Variants in C6orf52 observed in about 807,000 individuals in gnomAD.
C6orf52 encodes the protein putative uncharacterized protein C6orf52.
C6orf52 carries 16 observed loss-of-function variants against 16.6 expected under a neutral mutation model. That is an observed-to-expected ratio of 0.96 (90% CI 0.65 to 1.46). C6orf52 has a LOEUF of 1.46. Among genes scored for constraint, C6orf52 ranks in the 40% most tolerant of loss-of-function variants. The probability of loss-of-function intolerance (pLI) is 0.00; values close to 1 mark genes in which losing one functional copy is unlikely to be tolerated. For synonymous variants in C6orf52, 53 were observed against 61.4 expected (o/e 0.86, Z 0.64); for missense variants, 166 against 182.3 (o/e 0.91, Z 0.52).
chr6:10,684,668 G>A (rs2127467518), intron 3 of C6orf52, among the ~76,000 whole-genome samples: 2 of 152,346 alleles, frequency 1.3e-5, no homozygotes, highest in East Asian at 3.9e-4. Flanking sequence ...ACGTGAAAAT[G>A]TAAAGGAGAG....
intron 1 of C6orf52, among the ~76,000 whole-genome samples, chr6:10,694,028 G>A (rs1204254529): frequency 6.6e-6 from 1 of 152,178 alleles, no homozygotes; most frequent in Non-Finnish European, 1.5e-5. Context: ...GGGAGGTCGA[G>A]GCAAGCGGAT....
intron 1 of C6orf52, among the ~76,000 whole-genome samples, chr6:10,691,856 A>C (rs1769342740): frequency 6.6e-6 from 1 of 152,062 alleles, no homozygotes; most frequent in South Asian, 2.1e-4. Flanking sequence ...TTTTAAAGTA[A>C]AACCACTTTG....
intron 3 of C6orf52, among the ~76,000 whole-genome samples, chr6:10,685,598 C>CT (rs1768811684): frequency 6.6e-6 from 1 of 152,146 alleles, no homozygotes; most frequent in African/African-American, 2.4e-5. Context: ...TGGGGGAAGT[C>CT]CGTAACATTT....
intron 1 of C6orf52, among the ~76,000 whole-genome samples, chr6:10,693,498 A>C (rs1425774639): frequency 6.6e-6 from 1 of 152,246 alleles, no homozygotes; most frequent in Non-Finnish European, 1.5e-5. Context: ...CTAACAATTC[A>C]GAACACCAGA....
chr6:10,694,591 A>AATG lies in C6orf52; in HGVS notation c.-110_-109insCAT. The AATG allele has an allele frequency of 1.1e-5, 2 of 180,128 alleles. No individual in the cohort carries two copies. The highest frequency in any genetic ancestry group is 2.4e-5 in the Non-Finnish European group (2 of 82,968). 11.2% of individuals were successfully genotyped at this position (180,128 alleles called of 1,614,324 possible). A position where few individuals can be genotyped will look rare whatever the true frequency, so the allele number is the denominator to read the frequency against. On this transcript the variant is annotated 5_prime_UTR_variant, in exon 1 of 5. Transcript: ENST00000259983. ...CAACAATGCACGCTGCCGGCGCTAC[A>AATG]GCCCCTAAGCAACCGGCCGGAAGTC... is the stretch of plus-strand genomic sequence containing the variant.
Position 10,694,601 on chromosome 6 carries a change from CAACCGG to C in C6orf52, c.-125_-120del. 1.1e-5 allele frequency: 2 copies of C among 175,892 alleles called. No individual in the cohort carries two copies. Among genetic ancestry groups the C allele is most frequent in the South Asian group, 1.1e-4 (1 of 9,080 alleles). The allele number at this position is 175,892 out of a possible 1,614,324, so 10.9% of individuals were successfully genotyped here. The stretch of plus-strand genomic sequence containing the variant: ...CGCTGCCGGCGCTACAGCCCCTAAG[CAACCGG>C]CCGGAAGTCGGCCCCACCTCCTCCT... On this transcript the variant is annotated 5_prime_UTR_variant, in exon 1 of 5. Coordinates refer to ENST00000259983, the MANE Select transcript of C6orf52 (RefSeq NM_001145020.3).
chr6:10,684,263 G>A (rs1768658409), intron 3 of C6orf52, among the ~76,000 whole-genome samples: 1 of 152,078 alleles, frequency 6.6e-6, no homozygotes, highest in Admixed American at 6.6e-5. Context: ...AGTTATGATG[G>A]CACCACTGCA....
rs941174563 is a variant in C6orf52 at position 10,687,022 on chromosome 6, A to G, written c.214T>C (p.Cys72Arg). Reference protein sequence around the residue: ...GCAVDGNGKDCFSAHETPEHT... With the variant: ...GCAVDGNGKDRFSAHETPEHT... ...TCAGGGGTCTCATGCGCAGAAAAACAGTCCTTTCCATTTCCATCCACTGCA... is the reference window on the plus strand; with the variant it reads ...TCAGGGGTCTCATGCGCAGAAAAACGGTCCTTTCCATTTCCATCCACTGCA... The change falls in exon 3 of 5, where the codon TGT becomes CGT. Residue 72 changes from cysteine to arginine, a missense_variant. By Grantham distance (180) the Cys-to-Arg change is radical (BLOSUM62 -3). Transcript: ENST00000259983. 3.9e-6 allele frequency: 6 copies of G among 1,551,604 alleles called. No homozygotes were observed. In the African/African-American group the frequency reaches 8.2e-5, roughly 21 times the overall value.
At chr6:10,686,271 A>C (rs1768862688) in intron 3 of C6orf52, among the ~76,000 whole-genome samples, 1 of 152,326 alleles carries the variant, frequency 6.6e-6, no homozygotes, top group African/African-American at 2.4e-5. Flanking sequence ...TGTACTACAT[A>C]GTTCGTTCTT....
chr6:10,684,919 G>T lies in C6orf52; in HGVS notation c.271-1687C>A. 3 of 1,281,418 alleles carry T rather than the reference G, an allele frequency of 2.3e-6. No homozygotes were observed. The South Asian group carries it at 3.7e-5, about 16-fold the overall frequency. The allele number at this position is 1,281,418 out of a possible 1,614,324, so 79.4% of individuals were successfully genotyped here. A position where few individuals can be genotyped will look rare whatever the true frequency, so the allele number is the denominator to read the frequency against. Reference sequence around the variant, plus strand: ...AGGATGGCAGGCAGATGGCACAGGGGGTCACTACAGCCACAAAAGATAACA... The same window carrying T: ...AGGATGGCAGGCAGATGGCACAGGGTGTCACTACAGCCACAAAAGATAACA... On this transcript the variant is annotated intron_variant, in intron 3 of 4. Coordinates refer to ENST00000259983, the MANE Select transcript of C6orf52 (RefSeq NM_001145020.3).
chr6:10,688,513 G>A (rs138525410), intron 1 of C6orf52, among the ~76,000 whole-genome samples: 4 of 152,134 alleles, frequency 2.6e-5, no homozygotes, highest in East Asian at 3.9e-4. Context: ...CAAAACATTC[G>A]GATCATTCAA....
intron 2 of C6orf52, 98 bp from the exon 3 acceptor site, chr6:10,687,262 T>C: frequency 1.1e-6 from 1 of 911,328 alleles, no homozygotes; most frequent in Non-Finnish European, 1.7e-6. Context: ...TGAACACCTA[T>C]GTTCAAAGCC....
intron 4 of C6orf52, among the ~76,000 whole-genome samples, chr6:10,675,501 T>C (rs1193142728): frequency 6.6e-6 from 1 of 152,228 alleles, no homozygotes; most frequent in Non-Finnish European, 1.5e-5. Flanking sequence ...GAGGTACAGA[T>C]GTCTCTTTGA....
chr6:10,683,171 A>G lies in C6orf52; in HGVS notation c.316+16T>C. On this transcript the variant is annotated intron_variant, in intron 4 of 4. Transcript: ENST00000259983. Reference sequence around the variant, plus strand: ...GGGTTTTGTTTCCAACCACTTCAGCACAAGGTTTATGTTACCTTCTAGTGG... The same window carrying G: ...GGGTTTTGTTTCCAACCACTTCAGCGCAAGGTTTATGTTACCTTCTAGTGG... The G allele has an allele frequency of 3.3e-6, 5 of 1,526,620 alleles. No individual in the cohort carries two copies. Among genetic ancestry groups the G allele is most frequent in the South Asian group, 1.2e-5 (1 of 80,652 alleles). 94.6% of individuals were successfully genotyped at this position (1,526,620 alleles called of 1,614,324 possible). A position where few individuals can be genotyped will look rare whatever the true frequency, so the allele number is the denominator to read the frequency against.
intron 1 of C6orf52, among the ~76,000 whole-genome samples, chr6:10,687,830 T>G (rs577385753): frequency 4.9e-4 from 74 of 152,190 alleles, no homozygotes; most frequent in African/African-American, 1.7e-3. Flanking sequence ...CTCCCAACTG[T>G]CAGGCAGCGG....
chr6:10,691,592 T>C (rs1769314816), intron 1 of C6orf52, among the ~76,000 whole-genome samples: 1 of 152,144 alleles, frequency 6.6e-6, no homozygotes, highest in Admixed American at 6.5e-5. Context: ...TTCTGCCTTT[T>C]AGTTTTTACT....
chr6:10,671,466 G>T lies in C6orf52; in HGVS notation c.449C>A (p.Thr150Asn). The change falls in exon 5 of 5, where the codon ACC becomes AAC. Residue 150 changes from threonine to asparagine, a missense_variant. Physicochemically the swap from Thr to Asn is moderately conservative, Grantham distance 65. Transcript: ENST00000259983. ...AATGAACACCTTGCTTCACTTCGGG[G>T]TCTCATCTGGGATTTCGGAGTGAAC... The part of the protein sequence containing the change: ...DTVHSEIPDE[T>N]PK The T allele has an allele frequency of 1.3e-6, 2 of 1,541,224 alleles. No individual in the cohort carries two copies. The highest frequency in any genetic ancestry group is 1.7e-6 in the Non-Finnish European group (2 of 1,144,382).
intron 4 of C6orf52, among the ~76,000 whole-genome samples, chr6:10,678,183 TAAAAAAAAAAAAA>T (rs377733205): frequency 5.9e-5 from 6 of 101,606 alleles, no homozygotes; most frequent in Non-Finnish European, 9.9e-5. Flanking sequence ...GAGACTGTCT[TAAAAAAAAAAAAA>T]AAAAAAAAAA....
intron 4 of C6orf52, among the ~76,000 whole-genome samples, chr6:10,681,198 G>A (rs778700395): frequency 9.2e-5 from 14 of 152,266 alleles, no homozygotes; most frequent in Non-Finnish European, 2.1e-4. Context: ...GTGGTAGATT[G>A]TATGTGTCCA....
Sources: gnomAD v4.1 joint callset for allele counts (sites outside exome capture counted in the v4.1 genomes callset) on GRCh38, gnomAD v4.1.1 for gene constraint, MANE v1.5 for transcripts, NCBI Gene and HGNC (gene_info 2026-07-23, HGNC 2026-07-21) for gene names.